DSN1: variants seen among roughly 807,000 people sequenced by gnomAD.
DSN1 encodes kinetochore-associated protein DSN1 homolog.
A neutral mutation model predicts 45.7 loss-of-function variants in DSN1; 31 were observed. The observed-to-expected ratio is 0.68, with a 90% confidence interval of 0.51 to 0.92. The LOEUF (loss-of-function observed/expected upper bound fraction) is 0.92, where lower values mean the gene tolerates loss of function less well. DSN1 is among the 40% of genes least tolerant of loss of function. DSN1 has a pLI of 0.00. For synonymous variants in DSN1, 134 were observed against 142.3 expected (o/e 0.94, Z 0.41); for missense variants, 394 against 414.2 (o/e 0.95, Z 0.42).
intron 3 of DSN1, 35 bp from the exon 4 acceptor site, chr20:36,768,077 A>C (rs1409748697): frequency 6.2e-7 from 1 of 1,600,862 alleles, no homozygotes; most frequent in African/African-American, 1.3e-5. Flanking sequence ...AAGGAGCTGG[A>C]TAGTTACATA....
rs764756358 is a variant in DSN1, at chr20:36,754,867, G to C, written c.874-17C>G. The stretch of plus-strand genomic sequence containing the variant: ...TTCATCCATCTGTAGAAAAAAGACA[G>C]CTGTGAGCTGTAAAGGTCCATGGCT... On this transcript the variant is annotated splice_polypyrimidine_tract_variant and intron_variant, in intron 9 of 10. Coordinates refer to ENST00000373750, the MANE Select transcript of DSN1 (RefSeq NM_001145315.2). 1 of 1,610,422 alleles carries C rather than the reference G, an allele frequency of 6.2e-7. No individual in the cohort carries two copies. Among genetic ancestry groups the C allele is most frequent in the Non-Finnish European group, 8.5e-7 (1 of 1,177,084 alleles).
At chr20:36,761,164 A>C (rs954505873) in intron 6 of DSN1, among the ~76,000 whole-genome samples, 8 of 152,094 alleles carry the variant, frequency 5.3e-5, no homozygotes, top group South Asian at 4.2e-4. Context: ...AAAGATGTGA[A>C]TTATGTTTTT....
At chr20:36,772,495 GC>G in intron 1 of DSN1, among the ~76,000 whole-genome samples, 1 of 152,022 alleles carries the variant, frequency 6.6e-6, no homozygotes. Flanking sequence ...CCCCATATTG[GC>G]CAGGCTGGTC....
chr20:36,764,182 G>C lies in DSN1; in HGVS notation c.503-1634C>G, dbSNP rs1601016576. 2.6e-5 allele frequency among the ~76,000 whole-genome samples: 4 copies of C among 151,406 alleles called. No homozygotes were observed. In the South Asian group the frequency reaches 8.3e-4, roughly 32 times the overall value. On this transcript the variant is annotated intron_variant, in intron 5 of 10. Transcript: ENST00000373750. ...GCTACAGTTAACTGTGATCATGCCA[G>C]TGTACTCCAGCCTGGGCAACAGAGC...
At chr20:36,773,568 C>A in intron 1 of DSN1, 94 bp downstream of exon 1, 6 of 985,876 alleles carry the variant, frequency 6.1e-6, no homozygotes, top group Non-Finnish European at 7.2e-6. Context: ...CCGACGGGTA[C>A]GACGCCGAAG....
intron 10 of DSN1, 39 bp downstream of exon 10, chr20:36,754,724 A>G: frequency 1.9e-6 from 3 of 1,574,374 alleles, no homozygotes; most frequent in Non-Finnish European, 2.6e-6. Flanking sequence ...TATCATGGAA[A>G]ACAGCCTGAA....
At chr20:36,762,634 C>T (rs1293179578) in intron 5 of DSN1, 86 bp from the exon 6 acceptor site, 3 of 1,243,224 alleles carry the variant, frequency 2.4e-6, no homozygotes, top group Non-Finnish European at 3.4e-6. Context: ...TTAAGGTAGT[C>T]TCAGCTCTAG....
chr20:36,764,125 G>A (rs1400019501), intron 5 of DSN1, among the ~76,000 whole-genome samples: 1 of 151,762 alleles, frequency 6.6e-6, no homozygotes, highest in Non-Finnish European at 1.5e-5. Context: ...GGAGGCTGAG[G>A]AAGGAGAAAT....
intron 8 of DSN1, 109 bp from the exon 9 acceptor site, chr20:36,755,938 C>G (rs748974994): frequency 1.3e-5 from 17 of 1,270,276 alleles, no homozygotes; most frequent in Middle Eastern, 2.8e-4. Context: ...TCTACGCTAG[C>G]TATAGGCTCA....
intron 3 of DSN1, among the ~76,000 whole-genome samples, chr20:36,769,940 C>G (rs6029370): frequency 0.017 from 1,466 of 84,946 alleles, 27 homozygotes; most frequent in African/African-American, 0.042. Context: ...CACACACACA[C>G]AGAGAGAGAG....
intron 2 of DSN1, 32 bp downstream of exon 2, chr20:36,771,393 T>C: frequency 6.2e-7 from 1 of 1,608,428 alleles, no homozygotes. Context: ...GAACCCAAGG[T>C]AAGAGGTACT....
intron 1 of DSN1, among the ~76,000 whole-genome samples, chr20:36,772,104 C>T (rs1368430109): frequency 2.6e-5 from 4 of 151,594 alleles, no homozygotes; most frequent in Non-Finnish European, 1.5e-5. Flanking sequence ...TGGTCTCAAA[C>T]TCCTGGCCTC....
chr20:36,762,692 A>G lies in DSN1; in HGVS notation c.503-144T>C, dbSNP rs374807334. On this transcript the variant is annotated intron_variant, in intron 5 of 10. Coordinates refer to ENST00000373750, the MANE Select transcript of DSN1 (RefSeq NM_001145315.2). ...AAGCCCACCCAAAAGTGTGGAGTTAAGTATGTAGAAAGATTTTATCTTTTT... is the reference window on the plus strand; with the variant it reads ...AAGCCCACCCAAAAGTGTGGAGTTAGGTATGTAGAAAGATTTTATCTTTTT... 1.6e-4 allele frequency: 93 copies of G among 586,300 alleles called. No homozygotes were observed. The East Asian group carries it at 2.1e-3, about 13-fold the overall frequency. The allele number at this position is 586,300 out of a possible 1,614,324, so 36.3% of individuals were successfully genotyped here.
At chr20:36,767,002 GAAA>G (rs573845554) in intron 4 of DSN1, among the ~76,000 whole-genome samples, 161 bp from the exon 5 acceptor site, 1 of 143,164 alleles carries the variant, frequency 7.0e-6, no homozygotes, top group Admixed American at 7.0e-5. Context: ...ATAGATAAGG[GAAA>G]AAAAAAAAAC....
At chr20:36,760,826 G>A (rs1235811130) in intron 6 of DSN1, among the ~76,000 whole-genome samples, 5 of 152,166 alleles carry the variant, frequency 3.3e-5, no homozygotes, top group African/African-American at 1.2e-4. Context: ...GGAGGCAGAG[G>A]TTGCAGTGAG....
intron 3 of DSN1, among the ~76,000 whole-genome samples, chr20:36,769,025 A>T (rs1194651221): frequency 6.6e-6 from 1 of 152,248 alleles, no homozygotes; most frequent in Non-Finnish European, 1.5e-5. Context: ...TATCCTATGA[A>T]TTCCATTCAG....
chr20:36,770,763 C>T, intron 3 of DSN1, 110 bp downstream of exon 3: 1 of 1,225,354 alleles, frequency 8.2e-7, no homozygotes, highest in Non-Finnish European at 1.1e-6. Flanking sequence ...AGTAGCAAGT[C>T]ATGTCTATTC....
chr20:36,759,083 A>T (rs1383518437), intron 6 of DSN1, among the ~76,000 whole-genome samples: 1 of 152,080 alleles, frequency 6.6e-6, no homozygotes, highest in African/African-American at 2.4e-5. Context: ...CCCGGGTTCA[A>T]GTGATTTTCC....
chr20:36,765,065 G>C (rs1005401183), intron 5 of DSN1, among the ~76,000 whole-genome samples: 3 of 151,728 alleles, frequency 2.0e-5, no homozygotes, highest in South Asian at 2.1e-4. Context: ...AATCTAAAAG[G>C]CTTTTTTATT....
Sources: gnomAD v4.1 joint callset for allele counts (sites outside exome capture counted in the v4.1 genomes callset) on GRCh38, gnomAD v4.1.1 for gene constraint, MANE v1.5 for transcripts, NCBI Gene and HGNC (gene_info 2026-07-23, HGNC 2026-07-21) for gene names.